RBM20: variants seen among roughly 807,000 people sequenced by gnomAD.
RBM20 encodes RNA binding motif protein 20, also known as RNA-binding protein 20.
In RBM20, 51 loss-of-function variants were observed where a neutral mutation model predicts 110.1. The ratio of observed to expected loss-of-function variants is 0.46; its 90% CI spans 0.37 to 0.59. The LOEUF is 0.59. RBM20 is among the 20% of genes least tolerant of loss of function. The pLI is 0.00. For missense variants in RBM20, 1,512 were observed against 1,574.9 expected (o/e 0.96, Z 0.68); for synonymous variants, 589 against 618.2 (o/e 0.95, Z 0.70).
In RBM20 at chr10:110,718,072, C is replaced by T. The variant is rs143035553; in HGVS notation, c.192-62729C>T. Among the ~76,000 whole-genome samples, 1,005 of 152,278 alleles carry T rather than the reference C, an allele frequency of 6.6e-3. 9 individuals are homozygous for T. Among genetic ancestry groups the T allele is most frequent in the South Asian group, 0.017 (81 of 4,818 alleles). On this transcript the variant is annotated intron_variant, in intron 1 of 13. Transcript: ENST00000369519. ...CAGACAAGCAGCCTGAGAGCTAGGG[C>T]GGGGGACAGAGGCTTGGCCACATGG...
intron 1 of RBM20, among the ~76,000 whole-genome samples, chr10:110,767,814 G>A (rs1396902958): frequency 2.6e-5 from 4 of 152,040 alleles, no homozygotes; most frequent in South Asian, 2.1e-4. Context: ...ATGGGATGGC[G>A]GCGGGGCAGA....
At chr10:110,643,502 T>C (rs1038704669), upstream of RBM20, among the ~76,000 whole-genome samples, 1 of 152,244 alleles carries the variant, frequency 6.6e-6, no homozygotes, top group African/African-American at 2.4e-5. Flanking sequence ...TCAGAGGGCG[T>C]GACGGTGACC....
chr10:110,769,982 G>A lies in RBM20; in HGVS notation c.192-10819G>A, dbSNP rs552318054. On this transcript the variant is annotated intron_variant, in intron 1 of 13. Transcript: ENST00000369519. ...GATCCTTCTGCTGTGGCCTCCCAAA[G>A]TGTTAGGATTACAGGTGTGAGGCCA... 1.5e-4 allele frequency among the ~76,000 whole-genome samples: 23 copies of A among 152,256 alleles called. No individual in the cohort carries two copies. In the East Asian group the frequency reaches 3.1e-3, roughly 20 times the overall value.
chr10:110,695,814 C>A (rs186364105), intron 1 of RBM20, among the ~76,000 whole-genome samples: 68 of 152,294 alleles, frequency 4.5e-4, no homozygotes, highest in African/African-American at 1.5e-3. Flanking sequence ...TTTCTGGTGA[C>A]CAAGGGTAAG....
intron 6 of RBM20, among the ~76,000 whole-genome samples, chr10:110,798,377 A>G (rs1844578182): frequency 6.6e-6 from 1 of 152,252 alleles, no homozygotes; most frequent in South Asian, 2.1e-4. Context: ...ACTCATAGCC[A>G]CATCAGGTCA....
intron 1 of RBM20, among the ~76,000 whole-genome samples, chr10:110,722,249 T>C (rs1843515925): frequency 6.6e-6 from 1 of 152,216 alleles, no homozygotes; most frequent in South Asian, 2.1e-4. Flanking sequence ...AAATTAATTT[T>C]TAAATAGACT....
chr10:110,800,990 T>C (rs1844615130), intron 7 of RBM20, among the ~76,000 whole-genome samples: 1 of 152,228 alleles, frequency 6.6e-6, no homozygotes, highest in South Asian at 2.1e-4. Flanking sequence ...CTGGTATATA[T>C]GCACTTGAGC....
intron 1 of RBM20, among the ~76,000 whole-genome samples, chr10:110,750,009 A>G (rs1843832576): frequency 6.6e-6 from 1 of 152,258 alleles, no homozygotes; most frequent in African/African-American, 2.4e-5. Flanking sequence ...AGGTTAAAGT[A>G]TTATGATTTA....
At chr10:110,764,491 C>T (rs1169608524) in intron 1 of RBM20, among the ~76,000 whole-genome samples, 1 of 152,176 alleles carries the variant, frequency 6.6e-6, no homozygotes, top group Non-Finnish European at 1.5e-5. Context: ...GCATAAACAT[C>T]GACTGATATT....
intron 1 of RBM20, among the ~76,000 whole-genome samples, chr10:110,665,945 C>T (rs1210070922): frequency 2.8e-5 from 4 of 145,214 alleles, no homozygotes; most frequent in Non-Finnish European, 6.0e-5. Flanking sequence ...GTGAAACTGT[C>T]TCTACAAATA....
chr10:110,666,248 A>T (rs1161045643), intron 1 of RBM20, among the ~76,000 whole-genome samples: 2 of 152,212 alleles, frequency 1.3e-5, no homozygotes, highest in African/African-American at 4.8e-5. Context: ...CGTAATAAAA[A>T]GTTAAACAGA....
intron 13 of RBM20, chr10:110,835,461 G>C (rs976017554): frequency 2.0e-5 from 3 of 151,822 alleles, no homozygotes; most frequent in Non-Finnish European, 2.9e-5. Context: ...TCAGCCTCCC[G>C]AGTAGCTGGG....
At chr10:110,787,965 T>C (rs1564846353) in intron 5 of RBM20, among the ~76,000 whole-genome samples, 1 of 152,184 alleles carries the variant, frequency 6.6e-6, no homozygotes, top group Non-Finnish European at 1.5e-5. Context: ...GCTCATTTAG[T>C]CCTCTAGACA....
intron 1 of RBM20, among the ~76,000 whole-genome samples, chr10:110,743,906 G>A (rs1041860586): frequency 6.6e-6 from 1 of 152,178 alleles, no homozygotes; most frequent in African/African-American, 2.4e-5. Context: ...GTGAGCCACG[G>A]TGCCCAGCTG....
chr10:110,706,908 C>T (rs965193663), intron 1 of RBM20, among the ~76,000 whole-genome samples: 4 of 152,090 alleles, frequency 2.6e-5, no homozygotes, highest in African/African-American at 9.7e-5. Flanking sequence ...AAGGAATTCT[C>T]GGTATTCTCA....
intron 1 of RBM20, among the ~76,000 whole-genome samples, chr10:110,721,567 A>C (rs1843507486): frequency 6.6e-6 from 1 of 152,148 alleles, no homozygotes; most frequent in African/African-American, 2.4e-5. Context: ...TCATCACTGC[A>C]CTGACCGTGC....
intron 1 of RBM20, among the ~76,000 whole-genome samples, chr10:110,650,353 C>T (rs917071610): frequency 2.0e-5 from 3 of 152,284 alleles, no homozygotes; most frequent in South Asian, 2.1e-4. Flanking sequence ...TTGCTGACAG[C>T]AGATCTGTAG....
chr10:110,704,117 A>G (rs1264613190), intron 1 of RBM20, among the ~76,000 whole-genome samples: 1 of 152,240 alleles, frequency 6.6e-6, no homozygotes, highest in Non-Finnish European at 1.5e-5. Flanking sequence ...GTCTCAAAAA[A>G]TAAAATAAAA....
Position 110,719,538 on chromosome 10 carries a change from C to T in RBM20, c.192-61263C>T, listed in dbSNP as rs78809181. On this transcript the variant is annotated intron_variant, in intron 1 of 13. Coordinates refer to ENST00000369519, the MANE Select transcript of RBM20 (RefSeq NM_001134363.3). ...TTTTATTTTGTTTTTGTTTTTGTCT[C>T]GCGGGTATATGTATGTATAGTTTTA... Among the ~76,000 whole-genome samples the T allele has an allele frequency of 3.9e-3, 589 of 151,936 alleles. 5 individuals are homozygous for T. The highest frequency in any genetic ancestry group is 0.013 in the African/African-American group (551 of 41,436).
Sources: gnomAD v4.1 joint callset for allele counts (sites outside exome capture counted in the v4.1 genomes callset) on GRCh38, gnomAD v4.1.1 for gene constraint, MANE v1.5 for transcripts, NCBI Gene and HGNC (gene_info 2026-07-23, HGNC 2026-07-21) for gene names.